PDE3A: variants seen among roughly 807,000 people sequenced by gnomAD.
PDE3A encodes the protein cGMP-inhibited 3',5'-cyclic phosphodiesterase 3A.
PDE3A carries 43 observed loss-of-function variants against 98.3 expected under a neutral mutation model. That is an observed-to-expected ratio of 0.44 (90% CI 0.34 to 0.56). The LOEUF (loss-of-function observed/expected upper bound fraction) is 0.56, where lower values mean the gene tolerates loss of function less well. Ranked by LOEUF, PDE3A falls within the 20% of genes least tolerant of loss-of-function variation. PDE3A has a pLI of 0.01. For synonymous variants in PDE3A, 663 were observed against 567.9 expected (o/e 1.17, Z -2.38); for missense variants, 1,427 against 1,440.7 (o/e 0.99, Z 0.15).
intron 5 of PDE3A, among the ~76,000 whole-genome samples, chr12:20,625,587 A>G (rs796899594): frequency 3.9e-5 from 6 of 152,342 alleles, no homozygotes; most frequent in African/African-American, 1.4e-4. Context: ...GGAAAAAAAG[A>G]GATGTCTTTA....
chr12:20,500,757 ATTCT>A (rs1946008126), intron 1 of PDE3A, among the ~76,000 whole-genome samples: 3 of 144,966 alleles, frequency 2.1e-5, no homozygotes, highest in South Asian at 4.3e-4. Flanking sequence ...AGAGGCTTTC[ATTCT>A]TTCTTTCTTT....
chr12:20,449,612 T>G (rs2120880468), intron 1 of PDE3A: 1 of 381,178 alleles, frequency 2.6e-6, no homozygotes, highest in African/African-American at 2.1e-5. Context: ...CTGCTCACAC[T>G]TACTGGAGCC....
intron 15 of PDE3A, among the ~76,000 whole-genome samples, chr12:20,678,527 A>T (rs1206759152): frequency 6.6e-6 from 1 of 152,154 alleles, no homozygotes; most frequent in Non-Finnish European, 1.5e-5. Flanking sequence ...GAGTATATAC[A>T]AAAAGAGAAC....
intron 2 of PDE3A, among the ~76,000 whole-genome samples, chr12:20,601,971 C>G (rs1943604220): frequency 6.6e-6 from 1 of 152,126 alleles, no homozygotes; most frequent in Non-Finnish European, 1.5e-5. Context: ...AAAGACCAGC[C>G]CACATTTATC....
chr12:20,409,069 A>G (rs1240749770), intron 1 of PDE3A, among the ~76,000 whole-genome samples: 1 of 152,172 alleles, frequency 6.6e-6, no homozygotes, highest in African/African-American at 2.4e-5. Context: ...AATCTGATCC[A>G]AACTATTGAC....
chr12:20,559,766 T>A (rs1259998306), intron 2 of PDE3A, among the ~76,000 whole-genome samples: 1 of 151,862 alleles, frequency 6.6e-6, no homozygotes, highest in Non-Finnish European at 1.5e-5. Flanking sequence ...CTCTGAGAAG[T>A]GATGATGTCT....
chr12:20,499,729 C>G (rs1591992266), intron 1 of PDE3A, among the ~76,000 whole-genome samples: 1 of 152,216 alleles, frequency 6.6e-6, no homozygotes, highest in East Asian at 1.9e-4. Flanking sequence ...ATGCACAAGT[C>G]TTAAATGTAC....
chr12:20,560,972 G>T (rs974712602), intron 2 of PDE3A, among the ~76,000 whole-genome samples: 1 of 151,318 alleles, frequency 6.6e-6, no homozygotes, highest in Non-Finnish European at 1.5e-5. Flanking sequence ...GCTTTGAAAA[G>T]AAAGTAGAGG....
chr12:20,625,023 T>C (rs1429053182), intron 5 of PDE3A, among the ~76,000 whole-genome samples: 4 of 152,130 alleles, frequency 2.6e-5, no homozygotes, highest in Non-Finnish European at 5.9e-5. Flanking sequence ...AAAGCGAGTA[T>C]GAAGTAAGAA....
intron 1 of PDE3A, chr12:20,449,677 T>C: frequency 2.3e-6 from 1 of 434,846 alleles, no homozygotes; most frequent in Non-Finnish European, 4.3e-6. Context: ...CTCTGTAAAC[T>C]TCAGCATTCT....
chr12:20,393,515 C>T (rs981595304), intron 1 of PDE3A, among the ~76,000 whole-genome samples: 1 of 151,906 alleles, frequency 6.6e-6, no homozygotes, highest in Non-Finnish European at 1.5e-5. Flanking sequence ...CAGTCTCCAA[C>T]ACAAAGAAAG....
At chr12:20,647,967 T>C (rs749343515) in intron 12 of PDE3A, among the ~76,000 whole-genome samples, 1 of 151,956 alleles carries the variant, frequency 6.6e-6, no homozygotes, top group African/African-American at 2.4e-5. Flanking sequence ...TATTTCTCCA[T>C]AGGCTATCTT....
intron 1 of PDE3A, among the ~76,000 whole-genome samples, chr12:20,490,379 A>C (rs1390604789): frequency 6.6e-6 from 1 of 152,198 alleles, no homozygotes; most frequent in Non-Finnish European, 1.5e-5. Context: ...TGATGAGGCA[A>C]AATTGTTCAT....
Position 20,452,201 on chromosome 12 carries a change from G to A in PDE3A, c.960+81957G>A, listed in dbSNP as rs146992241. ...CTCATCATGGTTCATATAGTCTAACGCGTGCAGATGCAAGATTAGTCTCTG... is the reference window on the plus strand; with the variant it reads ...CTCATCATGGTTCATATAGTCTAACACGTGCAGATGCAAGATTAGTCTCTG... On this transcript the variant is annotated intron_variant, in intron 1 of 15. Transcript: ENST00000359062. Among the ~76,000 whole-genome samples the A allele has an allele frequency of 1.2e-3, 176 of 152,252 alleles. 1 individual carries two copies. The highest frequency in any genetic ancestry group is 4.1e-3 in the African/African-American group (169 of 41,554).
At chr12:20,467,373 A>G (rs1945357191) in intron 1 of PDE3A, among the ~76,000 whole-genome samples, 1 of 151,838 alleles carries the variant, frequency 6.6e-6, no homozygotes, top group Admixed American at 6.6e-5. Flanking sequence ...AAGATAGTGT[A>G]GGAATGACTT....
intron 1 of PDE3A, among the ~76,000 whole-genome samples, chr12:20,448,751 G>GTTTTATT (rs1265923346): frequency 7.4e-6 from 1 of 134,328 alleles, no homozygotes. Context: ...TTTATTTTAA[G>GTTTTATT]GTTTTTTTTT....
chr12:20,391,684 T>C (rs537476087), intron 1 of PDE3A, among the ~76,000 whole-genome samples: 1 of 151,950 alleles, frequency 6.6e-6, no homozygotes, highest in South Asian at 2.1e-4. Context: ...GCTCAATTTA[T>C]GAAATGCCTA....
chr12:20,482,306 T>C (rs1183469673), intron 1 of PDE3A, among the ~76,000 whole-genome samples: 1 of 152,146 alleles, frequency 6.6e-6, no homozygotes, highest in East Asian at 1.9e-4. Context: ...AATATTTTTG[T>C]TCCAGAATAA....
At position 20,613,814 on chromosome 12, in the gene PDE3A, A is replaced by G; in HGVS notation, c.1269+114A>G. On this transcript the variant is annotated intron_variant, in intron 3 of 15. Coordinates refer to ENST00000359062, the MANE Select transcript of PDE3A (RefSeq NM_000921.5). ...GCAGATTCATATCAGTGACTCAGGC[A>G]AAATGTGTTGATCGTGGTGACAGAA... The G allele has an allele frequency of 5.6e-6, 4 of 716,450 alleles. No individual in the cohort carries two copies. The South Asian group carries it at 7.2e-5, about 13-fold the overall frequency. The allele number at this position is 716,450 out of a possible 1,614,324, so 44.4% of individuals were successfully genotyped here. A position where few individuals can be genotyped will look rare whatever the true frequency, so the allele number is the denominator to read the frequency against.
Sources: allele counts gnomAD v4.1 joint callset (sites outside exome capture counted in the v4.1 genomes callset), GRCh38; gene constraint gnomAD v4.1.1; transcripts MANE v1.5; gene names NCBI Gene and HGNC (gene_info 2026-07-23, HGNC 2026-07-21).